The following SHISAL1 variants were observed in gnomAD, a reference collection of about 807,000 sequenced individuals.
SHISAL1 encodes the protein protein shisa-like-1.
SHISAL1 carries 9 observed loss-of-function variants against 22.6 expected under a neutral mutation model. The observed-to-expected ratio is 0.40, with a 90% confidence interval of 0.24 to 0.70. SHISAL1 has a LOEUF of 0.70. Ranked by LOEUF, SHISAL1 falls within the 30% of genes least tolerant of loss-of-function variation. The pLI is 0.39. For synonymous variants in SHISAL1, 119 were observed against 115.4 expected (o/e 1.03, Z -0.20); for missense variants, 246 against 270.6 (o/e 0.91, Z 0.64).
the SHISAL1 span, among the ~76,000 whole-genome samples, chr22:44,319,979 C>A: frequency 6.6e-6 from 1 of 152,156 alleles, no homozygotes; most frequent in African/African-American, 2.4e-5. Flanking sequence ...CCACCTCCAT[C>A]TCTAACAGAC....
At chr22:44,275,288 C>T (rs2055231896) in intron 4 of SHISAL1, among the ~76,000 whole-genome samples, 1 of 152,144 alleles carries the variant, frequency 6.6e-6, no homozygotes, top group East Asian at 1.9e-4. Flanking sequence ...AGACAAACCC[C>T]GAAAGCAAAC....
At chr22:44,272,113 T>C (rs1438221610) in intron 4 of SHISAL1, among the ~76,000 whole-genome samples, 3 of 152,204 alleles carry the variant, frequency 2.0e-5, no homozygotes, top group Admixed American at 1.3e-4. Context: ...AGATGCCTGC[T>C]GCAGGTAGCA....
intron 2 of SHISAL1, 53 bp downstream of exon 2, chr22:44,300,826 G>A (rs1282352796): frequency 2.0e-6 from 3 of 1,489,866 alleles, no homozygotes; most frequent in Non-Finnish European, 9.4e-7. Context: ...ATCTCAGGAA[G>A]AGCCCACACC....
chr22:44,286,453 G>A (rs1454312744), intron 3 of SHISAL1, among the ~76,000 whole-genome samples: 1 of 152,156 alleles, frequency 6.6e-6, no homozygotes, highest in Non-Finnish European at 1.5e-5. Context: ...AGCCCGCTGT[G>A]AAGCCTGGCT....
intron 3 of SHISAL1, among the ~76,000 whole-genome samples, chr22:44,293,225 G>T (rs1214560567): frequency 6.6e-6 from 1 of 152,220 alleles, no homozygotes; most frequent in Non-Finnish European, 1.5e-5. Context: ...GGAGAAGCCT[G>T]GGGGAGGAGA....
At chr22:44,302,380 T>A (rs2055437100) in intron 1 of SHISAL1, among the ~76,000 whole-genome samples, 1 of 146,394 alleles carries the variant, frequency 6.8e-6, no homozygotes, top group Non-Finnish European at 1.5e-5. Context: ...GGAGTTAAAG[T>A]AGTAAGTTCT....
intron 4 of SHISAL1, among the ~76,000 whole-genome samples, chr22:44,266,528 A>ATGCGTG (rs370971639): frequency 1.8e-5 from 2 of 108,328 alleles, no homozygotes; most frequent in Non-Finnish European, 3.5e-5. Flanking sequence ...GCTTTGGGGT[A>ATGCGTG]TGTGTGTGTG....
At chr22:44,289,522 G>A (rs2055338757) in intron 3 of SHISAL1, among the ~76,000 whole-genome samples, 1 of 150,968 alleles carries the variant, frequency 6.6e-6, no homozygotes. Context: ...GGCCTCTGCA[G>A]CCAGCTTGCT....
chr22:44,280,082 TC>T (rs1423057961), intron 4 of SHISAL1, among the ~76,000 whole-genome samples: 2 of 152,094 alleles, frequency 1.3e-5, no homozygotes, highest in Non-Finnish European at 2.9e-5. Context: ...CCATCCCCCA[TC>T]CCCACTCAGG....
chr22:44,271,932 C>T (rs894331267), intron 4 of SHISAL1, among the ~76,000 whole-genome samples: 1 of 152,196 alleles, frequency 6.6e-6, no homozygotes, highest in Non-Finnish European at 1.5e-5. Context: ...TGGAAGTGTC[C>T]TTTTGTTAAT....
chr22:44,274,585 G>C (rs542017461), intron 4 of SHISAL1, among the ~76,000 whole-genome samples: 1 of 152,122 alleles, frequency 6.6e-6, no homozygotes, highest in Non-Finnish European at 1.5e-5. Context: ...TAAACGCCCC[G>C]CTGTAGGGAA....
chr22:44,254,855 T>C (rs1444350399), intron 4 of SHISAL1, among the ~76,000 whole-genome samples: 1 of 152,214 alleles, frequency 6.6e-6, no homozygotes, highest in African/African-American at 2.4e-5. Flanking sequence ...GTTTCACTTC[T>C]CACCATCACT....
At chr22:44,316,152 A>C (rs930933673), upstream of SHISAL1, among the ~76,000 whole-genome samples, 1 of 152,102 alleles carries the variant, frequency 6.6e-6, no homozygotes, top group African/African-American at 2.4e-5. Context: ...CCAGATTTGG[A>C]GCAGACCAAG....
chr22:44,309,130 AC>A (rs1255824866), intron 1 of SHISAL1, among the ~76,000 whole-genome samples: 1 of 150,844 alleles, frequency 6.6e-6, no homozygotes, highest in Non-Finnish European at 1.5e-5. Flanking sequence ...AGCCCTCCTG[AC>A]CCCACTGGTC....
intron 4 of SHISAL1, among the ~76,000 whole-genome samples, chr22:44,260,518 A>G (rs1203782450): frequency 6.6e-6 from 1 of 152,230 alleles, no homozygotes; most frequent in African/African-American, 2.4e-5. Flanking sequence ...GAAGAGGGAC[A>G]GAAAATCAGA....
chr22:44,312,088 C>T (rs1297586286), intron 1 of SHISAL1, among the ~76,000 whole-genome samples: 2 of 152,194 alleles, frequency 1.3e-5, no homozygotes, highest in African/African-American at 4.8e-5. Context: ...AGAACCCCTT[C>T]CTCACTGGAG....
At chr22:44,266,986 A>C (rs1278011795) in intron 4 of SHISAL1, among the ~76,000 whole-genome samples, 1 of 152,148 alleles carries the variant, frequency 6.6e-6, no homozygotes, top group East Asian at 1.9e-4. Context: ...TGGGGATGAC[A>C]AAGCTATTTG....
chr22:44,248,938 A>C lies in SHISAL1; in HGVS notation c.*747T>G, dbSNP rs2055026210. The C allele has an allele frequency of 6.6e-6, 1 of 152,024 alleles. No homozygotes were observed. The highest frequency in any genetic ancestry group is 2.4e-5 in the African/African-American group (1 of 41,368). The allele number at this position is 152,024 out of a possible 1,614,324, so 9.4% of individuals were successfully genotyped here. Reference sequence around the variant, plus strand: ...GAGAGGGAGTGCATGAAAACACTTAACTTGGCACCTGCCCTGTGGTCAGCC... The same window carrying C: ...GAGAGGGAGTGCATGAAAACACTTACCTTGGCACCTGCCCTGTGGTCAGCC... On this transcript the variant is annotated 3_prime_UTR_variant, in exon 5 of 5. Transcript: ENST00000381176.
In SHISAL1 at chr22:44,308,516, C is replaced by T. The variant is rs543610723; in HGVS notation, c.-33+4235G>A. Among the ~76,000 whole-genome samples the T allele has an allele frequency of 1.8e-3, 274 of 152,344 alleles. 1 individual carries two copies. Among genetic ancestry groups the T allele is most frequent in the South Asian group, 0.012 (56 of 4,826 alleles). On this transcript the variant is annotated intron_variant, in intron 1 of 4. Transcript: ENST00000381176. ...GGACCACCCTTCCCCTCTCCAAAGC[C>T]GTAGCCTGGAGGCTCATCCTGGGTG... is the stretch of plus-strand genomic sequence containing the variant.
Sources: gnomAD v4.1 joint callset for allele counts (sites outside exome capture counted in the v4.1 genomes callset) on GRCh38, gnomAD v4.1.1 for gene constraint, MANE v1.5 for transcripts, NCBI Gene and HGNC (gene_info 2026-07-23, HGNC 2026-07-21) for gene names.